Variants in NCKAP5 observed in about 807,000 individuals in gnomAD.
The protein encoded by NCKAP5 is NCK associated protein 5, also known as nck-associated protein 5.
NCKAP5 carries 92 observed loss-of-function variants against 167.0 expected under a neutral mutation model. The observed-to-expected ratio is 0.55, with a 90% CI of 0.47 to 0.66. The LOEUF is 0.66. Among genes scored for constraint, NCKAP5 ranks in the 30% least tolerant of loss-of-function variants. The probability of loss-of-function intolerance (pLI) is 0.00; values close to 1 mark genes in which losing one functional copy is unlikely to be tolerated. For synonymous variants in NCKAP5, 891 were observed against 877.4 expected (o/e 1.02, Z -0.27); for missense variants, 2,378 against 2,315.0 (o/e 1.03, Z -0.56).
intron 8 of NCKAP5, among the ~76,000 whole-genome samples, chr2:132,904,004 A>G (rs1451229806): frequency 6.6e-6 from 1 of 152,142 alleles, no homozygotes; most frequent in Non-Finnish European, 1.5e-5. Flanking sequence ...AATATTTGAT[A>G]ATGGCCCGGC....
chr2:133,526,795 T>G (rs1419376932), intron 2 of NCKAP5, among the ~76,000 whole-genome samples: 1 of 152,300 alleles, frequency 6.6e-6, no homozygotes, highest in Non-Finnish European at 1.5e-5. Flanking sequence ...ACATGTTGCC[T>G]GTGAACTCCT....
chr2:133,632,144 G>A, the NCKAP5 span, among the ~76,000 whole-genome samples: 1 of 152,340 alleles, frequency 6.6e-6, no homozygotes, highest in East Asian at 1.9e-4. Flanking sequence ...GTGTTCACCA[G>A]GGGGAGGACT....
intron 5 of NCKAP5, among the ~76,000 whole-genome samples, chr2:133,168,596 TAG>T (rs762239022): frequency 6.6e-6 from 1 of 152,082 alleles, no homozygotes; most frequent in Non-Finnish European, 1.5e-5. Context: ...TTCGAGTCAG[TAG>T]AGAGTCACTG....
the NCKAP5 span, among the ~76,000 whole-genome samples, chr2:133,613,105 T>C: frequency 6.6e-6 from 1 of 152,206 alleles, no homozygotes; most frequent in Non-Finnish European, 1.5e-5. Context: ...ACCCTTAATG[T>C]ATTTCCTCCT....
At chr2:133,396,606 G>A (rs188013952) in intron 3 of NCKAP5, among the ~76,000 whole-genome samples, 84 of 151,898 alleles carry the variant, frequency 5.5e-4, no homozygotes, top group South Asian at 1.0e-3. Context: ...TTTACATGGT[G>A]TTCTCCCTGT....
chr2:133,590,291 C>G, the NCKAP5 span, among the ~76,000 whole-genome samples: 4 of 151,642 alleles, frequency 2.6e-5, no homozygotes, highest in African/African-American at 9.7e-5. Context: ...GAGATCGAGA[C>G]CATCCTGGCT....
intron 3 of NCKAP5, among the ~76,000 whole-genome samples, chr2:133,420,261 G>A (rs1689388066): frequency 2.6e-5 from 4 of 152,136 alleles, no homozygotes; most frequent in Admixed American, 2.6e-4. Context: ...TTGTACAATG[G>A]GGTATTATTT....
the NCKAP5 span, among the ~76,000 whole-genome samples, chr2:133,658,964 G>A: frequency 6.6e-6 from 1 of 151,906 alleles, no homozygotes; most frequent in Non-Finnish European, 1.5e-5. Context: ...CTATTTGCTT[G>A]ACACTGACAG....
the NCKAP5 span, among the ~76,000 whole-genome samples, chr2:133,603,178 A>C: frequency 4.0e-5 from 6 of 151,660 alleles, no homozygotes; most frequent in African/African-American, 1.2e-4. Context: ...TGGCCCCCAG[A>C]AGCAGAGCAG....
chr2:133,222,765 T>C (rs1461270116), intron 4 of NCKAP5, among the ~76,000 whole-genome samples: 2 of 152,214 alleles, frequency 1.3e-5, no homozygotes, highest in Non-Finnish European at 2.9e-5. Flanking sequence ...AGCATGCCTA[T>C]TATCCCACTG....
intron 16 of NCKAP5, among the ~76,000 whole-genome samples, chr2:132,767,360 C>T (rs548002972): frequency 1.8e-3 from 278 of 152,268 alleles, no homozygotes; most frequent in Non-Finnish European, 3.6e-3. Flanking sequence ...GACTCTCCTG[C>T]CTCAGCTTCC....
intron 3 of NCKAP5, among the ~76,000 whole-genome samples, chr2:133,352,872 T>C (rs1451324217): frequency 6.6e-6 from 1 of 152,218 alleles, no homozygotes; most frequent in Non-Finnish European, 1.5e-5. Flanking sequence ...GAATGAAATT[T>C]CCAGAACATG....
At chr2:133,659,981 T>G in the NCKAP5 span, among the ~76,000 whole-genome samples, 2 of 152,208 alleles carry the variant, frequency 1.3e-5, no homozygotes, top group African/African-American at 2.4e-5. Context: ...AATGATTGAT[T>G]GAGGCAGAAA....
chr2:132,919,582 G>A (rs1262952020), intron 8 of NCKAP5, among the ~76,000 whole-genome samples: 2 of 152,188 alleles, frequency 1.3e-5, no homozygotes, highest in African/African-American at 4.8e-5. Context: ...ACAGCGGGAT[G>A]ATGGTATAGC....
At chr2:133,572,415 T>C (rs749367666), upstream of NCKAP5, among the ~76,000 whole-genome samples, 1 of 152,172 alleles carries the variant, frequency 6.6e-6, no homozygotes, top group Non-Finnish European at 1.5e-5. Context: ...AGATAAGTCA[T>C]AGGCATGAAA....
Position 132,782,802 on chromosome 2 carries a change from T to C in NCKAP5, c.4009A>G (p.Ser1337Gly). The change falls in exon 14 of 20, where the codon AGT becomes GGT. Residue 1337 changes from serine to glycine, a missense_variant. Physicochemically the swap from Ser to Gly is moderately conservative, Grantham distance 56. Around this residue, in one of 3 missense-constraint regions of NCKAP5, gnomAD observed 1,325 missense variants for 1,274.5 expected, o/e 1.04. Transcript: ENST00000409261. ...GGGTGCCCCGAGGGCCTCCCAACACTGGGGAGACTCTCCAACATGGGAGCA... is the reference window on the plus strand; with the variant it reads ...GGGTGCCCCGAGGGCCTCCCAACACCGGGGAGACTCTCCAACATGGGAGCA... The part of the protein sequence containing the change: ...PSAPMLESLP[S>G]VGRPSGHPSS... 6.2e-7 allele frequency: 1 copy of C among 1,613,802 alleles called. No homozygotes were observed. The highest frequency in any genetic ancestry group is 8.5e-7 in the Non-Finnish European group (1 of 1,179,820).
At chr2:133,491,452 T>C (rs1021766310) in intron 3 of NCKAP5, among the ~76,000 whole-genome samples, 3 of 152,116 alleles carry the variant, frequency 2.0e-5, no homozygotes, top group Non-Finnish European at 4.4e-5. Context: ...TCCAACAGCG[T>C]CACCAAGGTT....
rs967272516 is a variant in NCKAP5 at position 133,518,514 on chromosome 2, C to T, written c.-61-927G>A. Reference sequence around the variant, plus strand: ...GGACTACAGGCGCCTGCCACCATGCCAGGCTGATTTTTTGTATTTTTAGTA... The same window carrying T: ...GGACTACAGGCGCCTGCCACCATGCTAGGCTGATTTTTTGTATTTTTAGTA... On this transcript the variant is annotated intron_variant, in intron 2 of 19. Transcript: ENST00000409261. Among the ~76,000 whole-genome samples the T allele has an allele frequency of 5.3e-5, 8 of 150,466 alleles. No individual in the cohort carries two copies. The East Asian group carries it at 1.4e-3, about 26-fold the overall frequency.
chr2:132,900,966 A>G (rs1206957925), intron 8 of NCKAP5, among the ~76,000 whole-genome samples: 1 of 143,084 alleles, frequency 7.0e-6, no homozygotes, highest in African/African-American at 2.6e-5. Context: ...ACTCTGTCTC[A>G]AAAAAAAAAA....
Sources: gnomAD v4.1 joint callset for allele counts (sites outside exome capture counted in the v4.1 genomes callset) on GRCh38, gnomAD v4.1.1 for gene constraint, gnomAD v4.1.1 regional missense constraint, MANE v1.5 for transcripts, NCBI Gene and HGNC (gene_info 2026-07-23, HGNC 2026-07-21) for gene names.